Variants in FGFR2 observed in about 807,000 individuals in gnomAD.
FGFR2 encodes the protein fibroblast growth factor receptor 2, also known as BEK fibroblast growth factor receptor.
FGFR2 carries 19 observed loss-of-function variants against 95.9 expected under a neutral mutation model. The observed-to-expected ratio is 0.20, with a 90% confidence interval of 0.14 to 0.29. The LOEUF (loss-of-function observed/expected upper bound fraction) is 0.29, where lower values mean the gene tolerates loss of function less well. Ranked by LOEUF, FGFR2 falls within the 10% of genes least tolerant of loss-of-function variation. FGFR2 has a pLI of 1.00. For missense variants in FGFR2, 707 were observed against 1,056.9 expected, an observed-to-expected ratio of 0.67 and a Z score of 4.59; for synonymous variants, 392 against 393.3, an observed-to-expected ratio of 1.00 and a Z score of 0.04.
At chr10:121,526,741 G>C (rs1472740141) in intron 6 of FGFR2, 2 of 398,476 alleles carry the variant, frequency 5.0e-6, no homozygotes, top group African/African-American at 4.1e-5. Context: ...GTTTTGTTTT[G>C]TTTAAACACA....
At chr10:121,521,923 T>A (rs1038615203) in intron 6 of FGFR2, among the ~76,000 whole-genome samples, 2 of 152,214 alleles carry the variant, frequency 1.3e-5, no homozygotes, top group African/African-American at 4.8e-5. Context: ...GGATTAATTT[T>A]TACAATGTGG....
rs149962204 is a variant in FGFR2 at position 121,500,932 on chromosome 10, C to T, written c.1455G>A (p.Lys485=). The T allele has an allele frequency of 6.8e-6, 11 of 1,614,052 alleles. No individual in the cohort carries two copies. The African/African-American group carries it at 1.5e-4, about 22-fold the overall frequency. The change falls in exon 11 of 18, where the codon AAG becomes AAA. Residue 485 remains lysine (K), a synonymous_variant. Transcript: ENST00000358487. ...GCCCAAAGCAACCTTCTCCCAGGGGCTTGCCCAGTGTCAGCCTAAATGTGT... is the reference window on the plus strand; with the variant it reads ...GCCCAAAGCAACCTTCTCCCAGGGGTTTGCCCAGTGTCAGCCTAAATGTGT... ...EFPRDKLTLG[K]PLGEGCFGQV...
chr10:121,482,553 T>TA (rs1844897744), intron 17 of FGFR2, among the ~76,000 whole-genome samples: 1 of 152,248 alleles, frequency 6.6e-6, no homozygotes, highest in Admixed American at 6.5e-5. Context: ...GGTTTGGAGT[T>TA]AGTTTCCTGT....
At position 121,565,508 on chromosome 10, in the gene FGFR2, G is replaced by A. The variant is rs368662264; in HGVS notation, c.306C>T (p.Ser102=). ...LQIKGATPRD[S]GLYACTASRT... ...TACTGGCAGTACAAGCATAGAGGCC[G>A]GAGTCTCTAGGCGTGGCGCCCTTTA... The change falls in exon 3 of 18, where the codon TCC becomes TCT. Residue 102 remains serine (S), a synonymous_variant. Transcript: ENST00000358487. 133 of 1,614,166 alleles carry A rather than the reference G, an allele frequency of 8.2e-5. No individual in the cohort carries two copies. The highest frequency in any genetic ancestry group is 9.1e-5 in the Non-Finnish European group (107 of 1,180,036).
rs769020772 is a variant in FGFR2, at chr10:121,519,939, A to G, written c.939+40T>C. On this transcript the variant is annotated intron_variant, in intron 7 of 17. Coordinates refer to ENST00000358487, the MANE Select transcript of FGFR2 (RefSeq NM_000141.5). ...ACCTGTGGCCAAACCCATGAAGGAG[A>G]CCCCAGTTGTGGGTACCTTTAGATT... The G allele has an allele frequency of 2.2e-5, 35 of 1,601,468 alleles. 1 individual carries two copies. The East Asian group carries it at 3.6e-4, about 16-fold the overall frequency.
intron 2 of FGFR2, among the ~76,000 whole-genome samples, chr10:121,578,018 G>C (rs1860209485): frequency 6.6e-6 from 1 of 152,038 alleles, no homozygotes; most frequent in Non-Finnish European, 1.5e-5. Flanking sequence ...ATCCCTGATA[G>C]AAAGCTTAGC....
rs1845320539 is a variant in FGFR2 at position 121,485,692 on chromosome 10, C to T, written c.2058-160G>A. The stretch of plus-strand genomic sequence containing the variant: ...TGTGCTCTTTCCTGCCCTGCAAGAG[C>T]ATCCCCGAATGATGATGACACGGGG... On this transcript the variant is annotated intron_variant, in intron 15 of 17. Transcript: ENST00000358487. The surrounding 1 kb of genome is among the most constrained non-coding windows in gnomAD (Gnocchi z 4.2). 6.6e-6 allele frequency among the ~76,000 whole-genome samples: 1 copy of T among 152,192 alleles called. No homozygotes were observed. Among genetic ancestry groups the T allele is most frequent in the African/African-American group, 2.4e-5 (1 of 41,448 alleles).
rs1863027871 is a variant in FGFR2, at chr10:121,593,765, A to G, written c.53T>C (p.Leu18Ser). 6.2e-7 allele frequency: 1 copy of G among 1,614,180 alleles called. No homozygotes were observed. The highest frequency in any genetic ancestry group is 8.5e-7 in the Non-Finnish European group (1 of 1,180,020). Residue 18 changes from leucine (L) to serine (S), a missense_variant, in exon 2 of 18, where the codon TTG (leucine) becomes TCG (serine). Coordinates refer to ENST00000358487, the MANE Select transcript of FGFR2 (RefSeq NM_000141.5). ...ACTGAAGGAGGGCCGGGCCAGGGAC[A>G]AGGTTGCCATGGTGACCACGACCAG... ...ICLVVVTMAT[L>S]SLARPSFSLV...
At chr10:121,499,993 T>C (rs1847382116) in intron 11 of FGFR2, among the ~76,000 whole-genome samples, 1 of 152,174 alleles carries the variant, frequency 6.6e-6, no homozygotes, top group South Asian at 2.1e-4. Context: ...CCAGAGCGCC[T>C]GCGACATGCC....
chr10:121,568,827 C>T (rs759446238), intron 2 of FGFR2, among the ~76,000 whole-genome samples: 3 of 152,146 alleles, frequency 2.0e-5, no homozygotes, highest in South Asian at 2.1e-4. Context: ...TGGACTACCA[C>T]GTGCTGTTCT....
intron 16 of FGFR2, among the ~76,000 whole-genome samples, chr10:121,484,540 C>T (rs1845163179): frequency 6.6e-6 from 1 of 152,248 alleles, no homozygotes; most frequent in South Asian, 2.1e-4. Context: ...CACGGGATTA[C>T]TGATATAAAA....
chr10:121,561,086 C>T lies in FGFR2; in HGVS notation c.454+3416G>A, dbSNP rs532260293. Among the ~76,000 whole-genome samples, 37 of 152,290 alleles carry T rather than the reference C, an allele frequency of 2.4e-4. 1 individual carries two copies. The highest frequency in any genetic ancestry group is 7.7e-4 in the African/African-American group (32 of 41,566). Reference sequence around the variant, plus strand: ...CAAATCTAAGTCTTCACTTAAGTAACTCATTTATCCGAGGCACCTACCAAT... The same window carrying T: ...CAAATCTAAGTCTTCACTTAAGTAATTCATTTATCCGAGGCACCTACCAAT... On this transcript the variant is annotated intron_variant, in intron 4 of 17. Transcript: ENST00000358487.
At chr10:121,577,354 T>A (rs1013591052) in intron 2 of FGFR2, among the ~76,000 whole-genome samples, 1 of 150,666 alleles carries the variant, frequency 6.6e-6, no homozygotes, top group Non-Finnish European at 1.5e-5. Flanking sequence ...ACATCTGCCA[T>A]CAGAAAGACC....
intron 2 of FGFR2, among the ~76,000 whole-genome samples, chr10:121,577,411 G>A (rs1235419540): frequency 1.3e-5 from 2 of 151,708 alleles, no homozygotes; most frequent in Admixed American, 1.3e-4. Flanking sequence ...AAAAAAGCAA[G>A]GCTGCCTAGC....
At chr10:121,575,573 GGCCGAGTGCGGTGGCTCAT>G in intron 2 of FGFR2, among the ~76,000 whole-genome samples, 1 of 152,276 alleles carries the variant, frequency 6.6e-6, no homozygotes, top group East Asian at 1.9e-4. Context: ...ATTGAGTCCT[GGCCGAGTGCGGTGGCTCAT>G]GCCTGTAATC....
At chr10:121,584,349 C>T (rs978052060) in intron 2 of FGFR2, among the ~76,000 whole-genome samples, 1 of 150,718 alleles carries the variant, frequency 6.6e-6, no homozygotes, top group African/African-American at 2.4e-5. Flanking sequence ...GCACCCCACC[C>T]CAACCAATCC....
At chr10:121,503,379 A>G (rs188060437) in intron 10 of FGFR2, among the ~76,000 whole-genome samples, 84 of 152,350 alleles carry the variant, frequency 5.5e-4, no homozygotes, top group African/African-American at 1.9e-3. Context: ...AGCGGTCCTT[A>G]AGGCCATTTA....
intron 13 of FGFR2, among the ~76,000 whole-genome samples, chr10:121,494,165 C>T (rs976091745): frequency 6.6e-6 from 1 of 152,100 alleles, no homozygotes; most frequent in Non-Finnish European, 1.5e-5. Context: ...GCTTCCATGG[C>T]AGTGACAGCA....
intron 13 of FGFR2, 83 bp from the exon 14 acceptor site, chr10:121,488,196 T>C (rs1845674928): frequency 1.9e-6 from 3 of 1,576,424 alleles, no homozygotes; most frequent in South Asian, 1.1e-5. Context: ...TTTCTTAAAA[T>C]GCAGATAGAA....
Sources: gnomAD v4.1 joint callset for allele counts (sites outside exome capture counted in the v4.1 genomes callset) on GRCh38, gnomAD v4.1.1 for gene constraint, Gnocchi (gnomAD v3.1) non-coding constraint, MANE v1.5 for transcripts, NCBI Gene and HGNC (gene_info 2026-07-23, HGNC 2026-07-21) for gene names.